The following CAMK1D variants were observed in gnomAD, a reference collection of about 807,000 sequenced individuals.
The protein encoded by CAMK1D is calcium/calmodulin dependent protein kinase ID, also known as calcium/calmodulin-dependent protein kinase type 1D.
CAMK1D carries 9 observed loss-of-function variants against 47.7 expected under a neutral mutation model. The ratio of observed to expected loss-of-function variants is 0.19; its 90% CI spans 0.11 to 0.33. The LOEUF (loss-of-function observed/expected upper bound fraction) is 0.33, where lower values mean the gene tolerates loss of function less well. Among genes scored for constraint, CAMK1D ranks in the 10% least tolerant of loss-of-function variants. CAMK1D has a pLI of 1.00. For missense variants in CAMK1D, 291 were observed against 488.7 expected (o/e 0.60, Z 3.81); for synonymous variants, 184 against 184.9 (o/e 0.99, Z 0.04).
Position 12,798,707 on chromosome 10 carries a change from A to G in CAMK1D, c.641+7474A>G, listed in dbSNP as rs545916476. On this transcript the variant is annotated intron_variant, in intron 6 of 10. Transcript: ENST00000619168. ...GTTTGTGTATGAGAAAAGAGATGCCATTCAATTAGAAACATAGTGTTTAAA... is the reference window on the plus strand; with the variant it reads ...GTTTGTGTATGAGAAAAGAGATGCCGTTCAATTAGAAACATAGTGTTTAAA... Among the ~76,000 whole-genome samples the G allele has an allele frequency of 1.7e-3, 264 of 152,380 alleles. 1 individual carries two copies. The highest frequency in any genetic ancestry group is 3.1e-3 in the Non-Finnish European group (212 of 68,044).
chr10:12,649,583 T>A (rs1228131305), intron 2 of CAMK1D, among the ~76,000 whole-genome samples: 2 of 152,212 alleles, frequency 1.3e-5, no homozygotes, highest in Admixed American at 6.5e-5. Context: ...GATATAGGAA[T>A]ACGCCAAAGA....
Position 12,401,981 on chromosome 10 carries a change from C to T in CAMK1D, c.92+52071C>T, listed in dbSNP as rs144772555. Among the ~76,000 whole-genome samples the T allele has an allele frequency of 9.0e-3, 1,368 of 151,864 alleles. 17 individuals carry two copies. Among genetic ancestry groups the T allele is most frequent in the African/African-American group, 0.032 (1,311 of 41,400 alleles). On this transcript the variant is annotated intron_variant, in intron 1 of 10. Coordinates refer to ENST00000619168, the MANE Select transcript of CAMK1D (RefSeq NM_153498.4). Reference sequence around the variant, plus strand: ...CGCGATCTCCGCTCATTGCAACCTCCGCCTGCCGGGTTCAAGCTATTCTCA... The same window carrying T: ...CGCGATCTCCGCTCATTGCAACCTCTGCCTGCCGGGTTCAAGCTATTCTCA...
chr10:12,798,791 G>A (rs1022996583), intron 6 of CAMK1D, among the ~76,000 whole-genome samples: 7 of 152,214 alleles, frequency 4.6e-5, no homozygotes, highest in African/African-American at 1.7e-4. Flanking sequence ...CTTGGGGATG[G>A]GGAAAATATA....
intron 1 of CAMK1D, among the ~76,000 whole-genome samples, chr10:12,399,056 CTCTT>C: frequency 6.6e-6 from 1 of 152,272 alleles, no homozygotes; most frequent in African/African-American, 2.4e-5. Context: ...TAGCAGGTCT[CTCTT>C]GAGTGGAAGG....
At chr10:12,548,078 G>T (rs1405076958) in intron 1 of CAMK1D, among the ~76,000 whole-genome samples, 1 of 152,190 alleles carries the variant, frequency 6.6e-6, no homozygotes, top group East Asian at 1.9e-4. Flanking sequence ...TTGAGAAAGG[G>T]CCTCGGAGGC....
At chr10:12,701,414 C>G (rs1200548133) in intron 3 of CAMK1D, among the ~76,000 whole-genome samples, 1 of 152,234 alleles carries the variant, frequency 6.6e-6, no homozygotes, top group Non-Finnish European at 1.5e-5. Context: ...TACTTGTCAT[C>G]ATTTCCCTGT....
chr10:12,576,432 A>G (rs953054688), intron 2 of CAMK1D, among the ~76,000 whole-genome samples: 1 of 152,254 alleles, frequency 6.6e-6, no homozygotes. Flanking sequence ...AGGATGATTC[A>G]TGTGCATTAC....
At chr10:12,640,508 C>T (rs1458389811) in intron 2 of CAMK1D, among the ~76,000 whole-genome samples, 1 of 152,082 alleles carries the variant, frequency 6.6e-6, no homozygotes, top group African/African-American at 2.4e-5. Context: ...ATTTGGGGAT[C>T]TTATTTGCAA....
chr10:12,631,651 T>C (rs1470750794), intron 2 of CAMK1D, among the ~76,000 whole-genome samples: 5 of 151,738 alleles, frequency 3.3e-5, no homozygotes, highest in Non-Finnish European at 7.4e-5. Flanking sequence ...AAAGTAAAGC[T>C]CTCCTTGCTG....
intron 5 of CAMK1D, among the ~76,000 whole-genome samples, chr10:12,771,481 G>C (rs1295972196): frequency 6.6e-6 from 1 of 152,220 alleles, no homozygotes; most frequent in African/African-American, 2.4e-5. Context: ...TATAATTACA[G>C]AGCCATGTCA....
At chr10:12,419,883 T>C (rs1839990349) in intron 1 of CAMK1D, among the ~76,000 whole-genome samples, 1 of 152,224 alleles carries the variant, frequency 6.6e-6, no homozygotes, top group Admixed American at 6.5e-5. Context: ...TTGAGTTTTT[T>C]AGAATTTTTA....
chr10:12,563,664 TGAGA>T (rs373932374), intron 2 of CAMK1D, among the ~76,000 whole-genome samples: 157 of 130,118 alleles, frequency 1.2e-3, no homozygotes, highest in South Asian at 4.5e-3. Context: ...GCGGAAGGTT[TGAGA>T]GAGAGAGAGA....
At chr10:12,371,305 G>A (rs1359281222) in intron 1 of CAMK1D, among the ~76,000 whole-genome samples, 1 of 151,914 alleles carries the variant, frequency 6.6e-6, no homozygotes, top group Non-Finnish European at 1.5e-5. Context: ...GGCCGGGCAC[G>A]GTGGCTCACA....
At chr10:12,816,654 A>C (rs1832806856) in intron 8 of CAMK1D, among the ~76,000 whole-genome samples, 1 of 151,810 alleles carries the variant, frequency 6.6e-6, no homozygotes, top group South Asian at 2.1e-4. Flanking sequence ...GTGGATCACA[A>C]GGTCAGGTGT....
chr10:12,368,724 G>T (rs1837920234), intron 1 of CAMK1D, among the ~76,000 whole-genome samples: 1 of 148,354 alleles, frequency 6.7e-6, no homozygotes, highest in South Asian at 2.1e-4. Flanking sequence ...AGCCTGGGTG[G>T]CAGAGTAAGA....
chr10:12,506,287 C>G (rs1834869706), intron 1 of CAMK1D, among the ~76,000 whole-genome samples: 1 of 152,032 alleles, frequency 6.6e-6, no homozygotes, highest in Non-Finnish European at 1.5e-5. Context: ...GAGTGGGGTG[C>G]CATGTGCCTG....
At chr10:12,584,739 G>T (rs548771476) in intron 2 of CAMK1D, among the ~76,000 whole-genome samples, 1 of 152,280 alleles carries the variant, frequency 6.6e-6, no homozygotes, top group Admixed American at 6.5e-5. Context: ...AGGGTAGCTT[G>T]AGCCCGGGAG....
chr10:12,743,538 C>T (rs376918435), intron 3 of CAMK1D, among the ~76,000 whole-genome samples: 17 of 152,182 alleles, frequency 1.1e-4, no homozygotes, highest in South Asian at 4.2e-4. Flanking sequence ...CCATAAAATT[C>T]ACCCTTTCAA....
At chr10:12,352,212 C>T (rs781310724) in intron 1 of CAMK1D, among the ~76,000 whole-genome samples, 8 of 152,202 alleles carry the variant, frequency 5.3e-5, no homozygotes, top group Non-Finnish European at 7.3e-5. Context: ...TTTGATTGTC[C>T]ATACAGGGTT....
Sources: allele counts gnomAD v4.1 joint callset (sites outside exome capture counted in the v4.1 genomes callset), GRCh38; gene constraint gnomAD v4.1.1; transcripts MANE v1.5; gene names NCBI Gene and HGNC (gene_info 2026-07-23, HGNC 2026-07-21).